Variants in PCDH9 observed in about 807,000 individuals in gnomAD.
PCDH9 encodes protocadherin 9.
Under a neutral mutation model 70.6 loss-of-function variants are expected in PCDH9, and 24 were observed. The ratio of observed to expected loss-of-function variants is 0.34; its 90% CI spans 0.25 to 0.48. PCDH9 has a LOEUF of 0.48. Ranked by LOEUF, PCDH9 falls within the 20% of genes least tolerant of loss-of-function variation. PCDH9 has a pLI of 0.99. For synonymous variants in PCDH9, 562 were observed against 558.5 expected (o/e 1.01, Z -0.09); for missense variants, 1,281 against 1,503.6 (o/e 0.85, Z 2.45).
chr13:66,788,139 G>T (rs1008003705), intron 3 of PCDH9, among the ~76,000 whole-genome samples: 1 of 152,046 alleles, frequency 6.6e-6, no homozygotes, highest in Non-Finnish European at 1.5e-5. Context: ...TCACAATCCC[G>T]AAGTCCAAGA....
chr13:66,511,581 T>G (rs2138585014), intron 4 of PCDH9, among the ~76,000 whole-genome samples: 1 of 152,184 alleles, frequency 6.6e-6, no homozygotes, highest in South Asian at 2.1e-4. Flanking sequence ...CCTGCTCAAA[T>G]CTCATGTTGA....
intron 4 of PCDH9, among the ~76,000 whole-genome samples, chr13:66,423,370 A>C (rs1957605663): frequency 6.6e-6 from 1 of 151,686 alleles, no homozygotes; most frequent in Non-Finnish European, 1.5e-5. Context: ...ACACAGCAAA[A>C]AAAAAAAAAG....
chr13:66,750,991 G>A (rs888467121), intron 3 of PCDH9, among the ~76,000 whole-genome samples: 2 of 152,008 alleles, frequency 1.3e-5, no homozygotes, highest in Admixed American at 1.3e-4. Flanking sequence ...TCAGAAACGG[G>A]CCATTTTAAT....
chr13:67,188,824 G>T (rs1230493081), intron 2 of PCDH9, among the ~76,000 whole-genome samples: 3 of 151,880 alleles, frequency 2.0e-5, no homozygotes, highest in Non-Finnish European at 2.9e-5. Context: ...GGGAACAGGT[G>T]GTATTTGGTT....
chr13:66,492,661 C>G (rs947402682), intron 4 of PCDH9, among the ~76,000 whole-genome samples: 2 of 151,884 alleles, frequency 1.3e-5, no homozygotes, highest in Non-Finnish European at 2.9e-5. Context: ...CTATAAATAA[C>G]CACCAGGTGC....
chr13:67,188,860 T>G (rs1257751621), intron 2 of PCDH9, among the ~76,000 whole-genome samples: 1 of 152,016 alleles, frequency 6.6e-6, no homozygotes, highest in East Asian at 1.9e-4. Flanking sequence ...TTAGTGGTGA[T>G]TTGAGAGATT....
intron 3 of PCDH9, among the ~76,000 whole-genome samples, chr13:66,768,344 C>T (rs1056016713): frequency 1.3e-5 from 2 of 151,790 alleles, no homozygotes; most frequent in African/African-American, 4.9e-5. Context: ...TAAGCCTAAG[C>T]ATATATAACA....
At chr13:66,354,344 A>C (rs1956344121) in intron 4 of PCDH9, among the ~76,000 whole-genome samples, 1 of 151,930 alleles carries the variant, frequency 6.6e-6, no homozygotes, top group Admixed American at 6.6e-5. Flanking sequence ...CATTAAAGAA[A>C]TCCCAGCATG....
chr13:66,916,792 C>T (rs2082565198), intron 2 of PCDH9, among the ~76,000 whole-genome samples: 2 of 151,400 alleles, frequency 1.3e-5, no homozygotes, highest in African/African-American at 4.8e-5. Context: ...TTAGTGAGCT[C>T]TCTAAAGCAT....
intron 2 of PCDH9, among the ~76,000 whole-genome samples, chr13:67,031,833 C>T (rs1012392680): frequency 1.1e-4 from 17 of 152,198 alleles, no homozygotes; most frequent in South Asian, 4.1e-4. Flanking sequence ...TATATTGTAG[C>T]AGATTCATTG....
intron 3 of PCDH9, among the ~76,000 whole-genome samples, chr13:66,806,644 CT>C (rs2139351646): frequency 1.3e-5 from 2 of 152,244 alleles, no homozygotes; most frequent in South Asian, 4.1e-4. Flanking sequence ...TAGTTTGGAT[CT>C]GCTGTGTACA....
At chr13:67,214,966 A>ATATATG (rs2089565711) in intron 2 of PCDH9, 2 of 135,034 alleles carry the variant, frequency 1.5e-5, no homozygotes, top group African/African-American at 2.7e-5. Context: ...ATATATATAT[A>ATATATG]TATATATTCA....
intron 4 of PCDH9, among the ~76,000 whole-genome samples, chr13:66,512,522 T>G (rs1035548953): frequency 6.6e-6 from 1 of 152,092 alleles, no homozygotes; most frequent in Non-Finnish European, 1.5e-5. Context: ...TGGCTTTCTG[T>G]AGTCCTGAAT....
intron 3 of PCDH9, among the ~76,000 whole-genome samples, chr13:66,704,121 A>G (rs1454584216): frequency 6.6e-6 from 1 of 152,214 alleles, no homozygotes. Context: ...CAAAATATTT[A>G]CTTTTGTGTA....
chr13:67,005,323 T>A (rs2084329443), intron 2 of PCDH9, among the ~76,000 whole-genome samples: 1 of 152,122 alleles, frequency 6.6e-6, no homozygotes, highest in Non-Finnish European at 1.5e-5. Context: ...CTATTTGAGT[T>A]CGCTTTAAAT....
At chr13:67,028,383 A>C (rs2084832764) in intron 2 of PCDH9, among the ~76,000 whole-genome samples, 1 of 126,090 alleles carries the variant, frequency 7.9e-6, no homozygotes, top group South Asian at 2.8e-4. Flanking sequence ...ACACATGGAC[A>C]CAGGAAGGGG....
intron 2 of PCDH9, among the ~76,000 whole-genome samples, chr13:66,992,653 C>T (rs1000858136): frequency 6.6e-6 from 1 of 151,960 alleles, no homozygotes; most frequent in East Asian, 1.9e-4. Context: ...TATATATAGG[C>T]TAATTGATTA....
intron 4 of PCDH9, among the ~76,000 whole-genome samples, chr13:66,445,527 TAC>T (rs1168496864): frequency 7.0e-6 from 1 of 143,464 alleles, no homozygotes; most frequent in Non-Finnish European, 1.5e-5. Flanking sequence ...ATATAATATA[TAC>T]ACATATATAT....
intron 3 of PCDH9, among the ~76,000 whole-genome samples, chr13:66,823,239 T>C (rs536961195): frequency 6.6e-6 from 1 of 151,964 alleles, no homozygotes; most frequent in Non-Finnish European, 1.5e-5. Context: ...AATATATGCA[T>C]TTATACATTT....
Sources: allele counts gnomAD v4.1 joint callset (sites outside exome capture counted in the v4.1 genomes callset), GRCh38; gene constraint gnomAD v4.1.1; transcripts MANE v1.5; gene names NCBI Gene and HGNC (gene_info 2026-07-23, HGNC 2026-07-21).